Variants in MIIP observed in about 807,000 individuals in gnomAD.
The protein encoded by MIIP is migration and invasion inhibitory protein.
Under a neutral mutation model 44.8 loss-of-function variants are expected in MIIP, and 44 were observed. The observed-to-expected ratio is 0.98, with a 90% CI of 0.77 to 1.26. MIIP has a LOEUF of 1.26. Among genes scored for constraint, MIIP ranks in the 50% most tolerant of loss-of-function variants. The pLI is 0.00. For missense variants in MIIP, 496 were observed against 511.7 expected, an observed-to-expected ratio of 0.97 and a Z score of 0.30; for synonymous variants, 225 against 218.3, an observed-to-expected ratio of 1.03 and a Z score of -0.27.
chr1:12,020,863 T>C (rs747999827), intron 1 of MIIP, among the ~76,000 whole-genome samples: 1 of 152,054 alleles, frequency 6.6e-6, no homozygotes, highest in Non-Finnish European at 1.5e-5. Flanking sequence ...TTTGCATTTT[T>C]AGTAGCGACG....
intron 6 of MIIP, 86 bp downstream of exon 6, chr1:12,029,367 G>A (rs1569930731): frequency 1.4e-6 from 2 of 1,429,516 alleles, no homozygotes; most frequent in East Asian, 2.5e-5. Context: ...TCCCATTTGA[G>A]GTTTGGGGCC....
intron 9 of MIIP, 103 bp from the exon 10 acceptor site, chr1:12,031,618 GA>G (rs1640244831): frequency 6.2e-7 from 1 of 1,612,738 alleles, no homozygotes; most frequent in South Asian, 1.1e-5. Flanking sequence ...CTCCACCCAG[GA>G]AGGCCACCCT....
Position 12,021,824 on chromosome 1 carries a change from C to T in MIIP, c.98C>T (p.Ala33Val). Residue 33 changes from alanine to valine, a missense_variant, in exon 2 of 10, where the codon GCC becomes GTC. Ala to Val is a moderately conservative substitution (Grantham distance 64). Coordinates refer to ENST00000235332, the MANE Select transcript of MIIP (RefSeq NM_021933.4). ...VGQDAVRRSV[A>V]RAASESSLES... The stretch of plus-strand genomic sequence containing the variant: ...CAGGATGCTGTGCGGCGGTCAGTGG[C>T]CAGGGCAGCCTCGGAGGTGCGTGCC... The T allele has an allele frequency of 6.2e-7, 1 of 1,609,482 alleles. No homozygotes were observed.
chr1:12,020,677 ATTGT>A (rs1200151466), intron 1 of MIIP, among the ~76,000 whole-genome samples: 3 of 151,042 alleles, frequency 2.0e-5, no homozygotes, highest in Admixed American at 6.6e-5. Flanking sequence ...CACCCGGCTA[ATTGT>A]TTGTTGTTGT....
intron 6 of MIIP, 72 bp downstream of exon 6, chr1:12,029,353 GCAGTCCCATT>G: frequency 6.7e-7 from 1 of 1,497,314 alleles, no homozygotes; most frequent in Non-Finnish European, 9.1e-7. Context: ...CTGCCCCAGA[GCAGTCCCATT>G]TGAGGTTTGG....
At chr1:12,022,512 C>T in intron 3 of MIIP, 70 bp downstream of exon 3, 1 of 1,294,778 alleles carries the variant, frequency 7.7e-7, no homozygotes, top group Non-Finnish European at 1.0e-6. Flanking sequence ...CTATCTGACA[C>T]ATGTGCTTGT....
Position 12,022,347 on chromosome 1 carries a change from A to C in MIIP, c.367A>C (p.Arg123=), listed in dbSNP as rs546074367. 6.2e-7 allele frequency: 1 copy of C among 1,613,684 alleles called. No homozygotes were observed. The highest frequency in any genetic ancestry group is 1.7e-5 in the Admixed American group (1 of 60,000). Reference sequence around the variant, plus strand: ...ACCCTCGCTGGGCACCTCAAGCCTGAGGGACCCAGAGCCCTCAGGGAGGCT... The same window carrying C: ...ACCCTCGCTGGGCACCTCAAGCCTGCGGGACCCAGAGCCCTCAGGGAGGCT... The part of the protein sequence containing the change: ...SAPSLGTSSL[R]DPEPSGRLGD... The change falls in exon 3 of 10, where the codon AGG becomes CGG. Residue 123 remains arginine (R), a synonymous_variant. Transcript: ENST00000235332.
In MIIP at chr1:12,022,189, G is replaced by A. The variant is rs143312631; in HGVS notation, c.209G>A (p.Arg70Gln). Reference protein sequence around the residue: ...TSLSTSCPRGRSSVWGPPDAC... With the variant: ...TSLSTSCPRGQSSVWGPPDAC... ...TTGAGCACCTCCTGCCCACGGGGCCGGTCCTCCGTGTGGGGCCCACCAGAT... is the reference window on the plus strand; with the variant it reads ...TTGAGCACCTCCTGCCCACGGGGCCAGTCCTCCGTGTGGGGCCCACCAGAT... The change falls in exon 3 of 10, where the codon CGG (arginine) becomes CAG (glutamine). Residue 70 changes from arginine (R) to glutamine (Q), a missense_variant. By Grantham distance (43) the Arg-to-Gln change is conservative. Transcript: ENST00000235332. 4.0e-5 allele frequency: 64 copies of A among 1,613,416 alleles called. No homozygotes were observed. The highest frequency in any genetic ancestry group is 5.1e-5 in the Non-Finnish European group (60 of 1,179,768).
chr1:12,022,073 G>A lies in MIIP; in HGVS notation c.115-22G>A, dbSNP rs771514673. 6 of 1,606,144 alleles carry A rather than the reference G, an allele frequency of 3.7e-6. No homozygotes were observed. The African/African-American group carries it at 8.0e-5, about 22-fold the overall frequency. On this transcript the variant is annotated intron_variant, in intron 2 of 9. Transcript: ENST00000235332. ...GTAGGTTCTGGCAGCCACTCCCTGG[G>A]TGACCCGGCCCCTCTCTCCAGTCAA...
Position 12,021,806 on chromosome 1 carries a change from C to T in MIIP, c.80C>T (p.Ala27Val), listed in dbSNP as rs911277525. 6.2e-7 allele frequency: 1 copy of T among 1,611,914 alleles called. No individual in the cohort carries two copies. Among genetic ancestry groups the T allele is most frequent in the East Asian group, 2.2e-5 (1 of 44,880 alleles). The part of the protein sequence containing the change: ...LLRQLWVGQD[A>V]VRRSVARAAS... ...AGGCAGCTGTGGGTGGGGCAGGATG[C>T]TGTGCGGCGGTCAGTGGCCAGGGCA... The change falls in exon 2 of 10, where the codon GCT becomes GTT. Residue 27 changes from alanine (A) to valine (V), a missense_variant. Transcript: ENST00000235332.
At chr1:12,029,617 G>T in intron 6 of MIIP, 148 bp from the exon 7 acceptor site, 1 of 1,167,434 alleles carries the variant, frequency 8.6e-7, no homozygotes. Context: ...CCAGGTTCTG[G>T]GAGGAAAGGG....
In MIIP at chr1:12,022,532, C is replaced by T. The variant is rs1640005510; in HGVS notation, c.462+90C>T. 10 of 1,138,682 alleles carry T rather than the reference C, an allele frequency of 8.8e-6. No homozygotes were observed. In the South Asian group the frequency reaches 1.6e-4, roughly 19 times the overall value. 70.5% of individuals were successfully genotyped at this position (1,138,682 alleles called of 1,614,324 possible). On this transcript the variant is annotated intron_variant, in intron 3 of 9. Transcript: ENST00000235332. Reference sequence around the variant, plus strand: ...TGACACATGTGCTTGTGGGTAGCCTCCCTTGCAGAATAAGAGGCTCCTGGG... The same window carrying T: ...TGACACATGTGCTTGTGGGTAGCCTTCCTTGCAGAATAAGAGGCTCCTGGG...
rs763778648 is a variant in MIIP at position 12,029,031 on chromosome 1, A to G, written c.548-2A>G. 3 of 1,613,072 alleles carry G rather than the reference A, an allele frequency of 1.9e-6. No homozygotes were observed. The highest frequency in any genetic ancestry group is 1.3e-5 in the African/African-American group (1 of 75,032). ...AGCTGCCTGGTGCTTTGCCCACACC[A>G]GGGTCTCTGGACACCAGCTCTTCCA... On this transcript the variant is annotated splice_acceptor_variant, in intron 4 of 9. Coordinates refer to ENST00000235332, the MANE Select transcript of MIIP (RefSeq NM_021933.4). LOFTEE classifies it high-confidence loss of function.
chr1:12,028,480 C>T (rs544383718), intron 4 of MIIP, among the ~76,000 whole-genome samples: 3 of 152,230 alleles, frequency 2.0e-5, no homozygotes, highest in Non-Finnish European at 4.4e-5. Context: ...CACATGCCCA[C>T]CCCGGGGCCT....
At chr1:12,030,774 C>CAA (rs139223223) in intron 8 of MIIP, among the ~76,000 whole-genome samples, 80 of 135,644 alleles carry the variant, frequency 5.9e-4, no homozygotes, top group Admixed American at 1.3e-3. Flanking sequence ...GACTCCATCT[C>CAA]AAAAAAAAAA....
Position 12,021,660 on chromosome 1 carries a change from C to G in MIIP, c.-67C>G, listed in dbSNP as rs1489086750. On this transcript the variant is annotated 5_prime_UTR_variant, in exon 2 of 10. Transcript: ENST00000235332. ...TTGACTTCAGGTAGAAGAGCTGGGCCTGGAACCCAGCCCTGAGGACATCCT... is the reference window on the plus strand; with the variant it reads ...TTGACTTCAGGTAGAAGAGCTGGGCGTGGAACCCAGCCCTGAGGACATCCT... 6.9e-7 allele frequency: 1 copy of G among 1,444,674 alleles called. No individual in the cohort carries two copies. The highest frequency in any genetic ancestry group is 9.6e-7 in the Non-Finnish European group (1 of 1,043,812). The allele number at this position is 1,444,674 out of a possible 1,614,324, so 89.5% of individuals were successfully genotyped here.
In MIIP at chr1:12,025,037, T is replaced by G. The variant is rs1428892528; in HGVS notation, c.547+2120T>G. Among the ~76,000 whole-genome samples the G allele has an allele frequency of 1.3e-5, 2 of 149,680 alleles. 1 individual carries two copies. Among genetic ancestry groups the G allele is most frequent in the Non-Finnish European group, 3.0e-5 (2 of 67,552 alleles). On this transcript the variant is annotated intron_variant, in intron 4 of 9. Transcript: ENST00000235332. ...TGTCAGAATTCCCTTCCTTTTTTTT[T>G]TTGTTTTTTGTTTTTTGTTGTTGTT...
Position 12,030,813 on chromosome 1 carries a change from G to A in MIIP, c.943-453G>A, listed in dbSNP as rs76691949. Among the ~76,000 whole-genome samples, 1,268 of 151,728 alleles carry A rather than the reference G, an allele frequency of 8.4e-3. 21 individuals are homozygous for A. The highest frequency in any genetic ancestry group is 0.029 in the African/African-American group (1,186 of 41,386). On this transcript the variant is annotated intron_variant, in intron 8 of 9. Transcript: ENST00000235332. ...ATGTCCTTTCCTGTGTCTCCAGGTC[G>A]GGATGGGGTGCCAGTGGCAACTCCC...
intron 4 of MIIP, among the ~76,000 whole-genome samples, chr1:12,024,924 A>G (rs576713076): frequency 6.6e-6 from 1 of 151,870 alleles, no homozygotes; most frequent in East Asian, 1.9e-4. Context: ...GGGACCTCAT[A>G]TAAGTGAAAT....
Sources: gnomAD v4.1 joint callset for allele counts (sites outside exome capture counted in the v4.1 genomes callset) on GRCh38, gnomAD v4.1.1 for gene constraint, MANE v1.5 for transcripts, NCBI Gene and HGNC (gene_info 2026-07-23, HGNC 2026-07-21) for gene names.